The following PCDH11X variants were observed in gnomAD, a reference collection of about 807,000 sequenced individuals.
PCDH11X encodes the protein protocadherin 11 X-linked.
A neutral mutation model predicts 53.3 loss-of-function variants in PCDH11X; 18 were observed. The ratio of observed to expected loss-of-function variants is 0.34; its 90% confidence interval spans 0.23 to 0.50. The LOEUF is 0.50. Among genes scored for constraint, PCDH11X ranks in the 20% least tolerant of loss-of-function variants. The pLI, the probability that PCDH11X is intolerant of heterozygous loss-of-function variation, is 0.98. For missense variants in PCDH11X, 570 were observed against 1,032.4 expected (o/e 0.55, Z 6.14); for synonymous variants, 279 against 393.3 (o/e 0.71, Z 3.44).
intron 9 of PCDH11X, among the ~76,000 whole-genome samples, chrX:92,421,128 TTTTTAAC>T (rs1484533834): frequency 9.0e-6 from 1 of 111,674 alleles, no homozygotes; most frequent in Non-Finnish European, 1.9e-5. Context: ...TGTGTTTTGT[TTTTTAAC>T]TTTTAAGTTC....
intron 8 of PCDH11X, among the ~76,000 whole-genome samples, chrX:92,380,815 G>A (rs1451771364): frequency 9.5e-6 from 1 of 105,081 alleles, no homozygotes; most frequent in Non-Finnish European, 1.9e-5. Context: ...AAAGGACAGT[G>A]CCATATCAAT....
At chrX:92,547,671 T>C (rs1156275380) in intron 10 of PCDH11X, among the ~76,000 whole-genome samples, 1 of 111,559 alleles carries the variant, frequency 9.0e-6, no homozygotes, top group African/African-American at 3.3e-5. Flanking sequence ...AACATTTACC[T>C]TGAGAAAAAA....
chrX:92,103,776 A>G (rs190591205), intron 6 of PCDH11X, among the ~76,000 whole-genome samples: 4,297 of 111,849 alleles, frequency 0.038, 206 homozygotes, highest in African/African-American at 0.13. Flanking sequence ...TGTGTGCTGG[A>G]GATGTGGCTG....
chrX:91,891,382 T>A lies in PCDH11X; in HGVS notation c.3033+12109T>A, dbSNP rs1217287798. Among the ~76,000 whole-genome samples, 4 of 103,156 alleles carry A rather than the reference T, an allele frequency of 3.9e-5. No individual in the cohort carries two copies. In the Admixed American group the frequency reaches 4.5e-4, roughly 12 times the overall value. The allele number at this position is 103,156 out of a possible 115,157, so 89.6% of individuals were successfully genotyped here. A position where few individuals can be genotyped will look rare whatever the true frequency, so the allele number is the denominator to read the frequency against. On this transcript the variant is annotated intron_variant, in intron 6 of 10. Transcript: ENST00000682573. ...GCAGGGGCTACTAGTTTCATTAACA[T>A]CATCAAGGATCCTAAAATATTTTTA...
intron 6 of PCDH11X, among the ~76,000 whole-genome samples, chrX:92,104,369 G>A (rs1232005749): frequency 9.1e-6 from 1 of 110,453 alleles, no homozygotes; most frequent in Non-Finnish European, 1.9e-5. Context: ...GGGGACAGGC[G>A]GGAGGGAAAG....
chrX:92,309,556 A>T (rs2068903005), intron 8 of PCDH11X, among the ~76,000 whole-genome samples: 1 of 111,756 alleles, frequency 8.9e-6, no homozygotes, highest in Non-Finnish European at 1.9e-5. Flanking sequence ...TTGGAAAGAT[A>T]AAAATTCTGG....
intron 7 of PCDH11X, among the ~76,000 whole-genome samples, chrX:92,262,580 G>A (rs762904489): frequency 9.0e-6 from 1 of 111,354 alleles, no homozygotes; most frequent in Non-Finnish European, 1.9e-5. Flanking sequence ...GATTTAAGAT[G>A]CCCCTATGAA....
chrX:92,533,266 G>C (rs2074592576), intron 10 of PCDH11X, among the ~76,000 whole-genome samples: 1 of 110,471 alleles, frequency 9.1e-6, no homozygotes, highest in South Asian at 3.9e-4. Flanking sequence ...TAAATATTTT[G>C]AATACCCTAT....
rs1034797184 is a variant in PCDH11X, at chrX:91,866,412, A to G, written c.541-10369A>G. On this transcript the variant is annotated intron_variant, in intron 5 of 10. Transcript: ENST00000682573. ...GTTTGTGAGAATTCAAATTTGGACC[A>G]CTGGGATCAGTGGTTCCCCACCAGA... is the stretch of plus-strand genomic sequence containing the variant. 2.7e-5 allele frequency among the ~76,000 whole-genome samples: 3 copies of G among 110,670 alleles called. No individual in the cohort carries two copies. The Admixed American group carries it at 2.9e-4, about 11-fold the overall frequency.
At chrX:92,447,084 C>A (rs1266051919) in intron 9 of PCDH11X, among the ~76,000 whole-genome samples, 1 of 111,841 alleles carries the variant, frequency 8.9e-6, no homozygotes, top group Non-Finnish European at 1.9e-5. Context: ...GCAAAGCATT[C>A]AAGAGGTGAC....
intron 10 of PCDH11X, among the ~76,000 whole-genome samples, chrX:92,567,778 C>T (rs747218093): frequency 5.9e-4 from 61 of 103,092 alleles, no homozygotes; most frequent in African/African-American, 2.1e-3. Flanking sequence ...CTCACTTATA[C>T]ATGGGAGCTG....
chrX:92,303,171 T>C (rs905255250), intron 8 of PCDH11X, among the ~76,000 whole-genome samples: 3 of 110,985 alleles, frequency 2.7e-5, no homozygotes, highest in African/African-American at 9.8e-5. Context: ...AAATATGCAA[T>C]ATTTGAAGTC....
At chrX:92,478,178 T>C (rs1221969129) in intron 10 of PCDH11X, among the ~76,000 whole-genome samples, 1 of 111,603 alleles carries the variant, frequency 9.0e-6, no homozygotes, top group Non-Finnish European at 1.9e-5. Flanking sequence ...ATTATAAGTT[T>C]CCTGAGGCCT....
At chrX:92,340,357 TCTGTGG>T (rs2069725462) in intron 8 of PCDH11X, among the ~76,000 whole-genome samples, 1 of 111,910 alleles carries the variant, frequency 8.9e-6, no homozygotes, top group Non-Finnish European at 1.9e-5. Context: ...CAGTAGGGAC[TCTGTGG>T]GGGCTCCAAC....
chrX:91,860,780 T>A, intron 5 of PCDH11X, among the ~76,000 whole-genome samples: 1 of 112,094 alleles, frequency 8.9e-6, no homozygotes, highest in Non-Finnish European at 1.9e-5. Flanking sequence ...TATTTGTGTA[T>A]GTTGAACCAG....
chrX:91,847,887 A>T (rs1224600025), intron 5 of PCDH11X, among the ~76,000 whole-genome samples: 1 of 112,234 alleles, frequency 8.9e-6, no homozygotes, highest in Non-Finnish European at 1.9e-5. Flanking sequence ...TGGACATAAG[A>T]TTTCTATTTC....
rs185707394 is a variant in PCDH11X, at chrX:91,896,011, A to G, written c.3033+16738A>G. 1.8e-3 allele frequency among the ~76,000 whole-genome samples: 188 copies of G among 105,184 alleles called. 2 individuals are homozygous for G. The highest frequency in any genetic ancestry group is 2.8e-3 in the Non-Finnish European group (147 of 51,669). 91.3% of individuals were successfully genotyped at this position (105,184 alleles called of 115,157 possible). On this transcript the variant is annotated intron_variant, in intron 6 of 10. Coordinates refer to ENST00000682573, the MANE Select transcript of PCDH11X (RefSeq NM_032968.5). ...TAAATATAAAGCTAAAATACAGTTA[A>G]TAGAACTTAAATTTATGTCCCAATT...
chrX:92,214,709 A>T (rs2066657032), intron 7 of PCDH11X, among the ~76,000 whole-genome samples: 1 of 110,859 alleles, frequency 9.0e-6, no homozygotes, highest in Admixed American at 9.7e-5. Flanking sequence ...TGGCCAAACT[A>T]GCACGTTAAA....
At chrX:92,460,485 TGAG>T (rs2073015353) in intron 9 of PCDH11X, 1 of 724,786 alleles carries the variant, frequency 1.4e-6, no homozygotes, top group African/African-American at 2.0e-5. Flanking sequence ...CTCAGCAGTT[TGAG>T]GAGAACACCA....
Sources: gnomAD v4.1 joint callset for allele counts (sites outside exome capture counted in the v4.1 genomes callset) on GRCh38, gnomAD v4.1.1 for gene constraint, MANE v1.5 for transcripts, NCBI Gene and HGNC (gene_info 2026-07-23, HGNC 2026-07-21) for gene names.